The following NUP42 variants were observed in gnomAD, a reference collection of about 807,000 sequenced individuals.
NUP42 encodes the protein nucleoporin NUP42.
NUP42 carries 47 observed loss-of-function variants against 35.9 expected under a neutral mutation model. That is an observed-to-expected ratio of 1.31 (90% CI 1.04 to 1.67). The LOEUF is 1.67. NUP42 is among the 40% of genes most tolerant of loss of function. NUP42 has a pLI of 0.00. For missense variants in NUP42, 514 were observed against 492.2 expected (o/e 1.04, Z -0.42); for synonymous variants, 173 against 173.3 (o/e 1.00, Z 0.01).
At chr7:23,188,768 A>G (rs10279691) in intron 3 of NUP42, among the ~76,000 whole-genome samples, 54,697 of 152,120 alleles carry the variant, frequency 0.36, 10,179 homozygotes, top group African/African-American at 0.44. Flanking sequence ...CCTGAGTTCA[A>G]AAATATTTTC....
intron 3 of NUP42, chr7:23,194,521 G>T (rs6955117): frequency 0.087 from 13,273 of 152,212 alleles, 897 homozygotes; most frequent in African/African-American, 0.18. Flanking sequence ...CCACCACGCC[G>T]AGCTAATTTT....
intron 5 of NUP42, among the ~76,000 whole-genome samples, chr7:23,198,671 A>G (rs537616878): frequency 2.0e-4 from 30 of 152,356 alleles, no homozygotes; most frequent in Admixed American, 2.6e-4. Flanking sequence ...ACAGAACAGC[A>G]AGAACATAAA....
rs773711883 is a variant in NUP42, at chr7:23,185,249, C to A, written c.301C>A (p.Pro101Thr). ...GGAAGGCTTTGGATTGTCTGAGAAC[C>A]CATTTGCTTCACTTAGTCCTGATGA... ...RKEGFGLSEN[P>T]FASLSPDEQK... The change falls in exon 2 of 7, where the codon CCA becomes ACA. Residue 101 changes from proline to threonine, a missense_variant. Transcript: ENST00000258742. The A allele has an allele frequency of 1.3e-5, 21 of 1,613,924 alleles. No homozygotes were observed. The highest frequency in any genetic ancestry group is 1.7e-5 in the Non-Finnish European group (20 of 1,180,020).
At chr7:23,187,937 T>TGGG in intron 3 of NUP42, 1 of 258,962 alleles carries the variant, frequency 3.9e-6, no homozygotes. Context: ...ATATTCTCTG[T>TGGG]CTCTCTCTCT....
intron 2 of NUP42, among the ~76,000 whole-genome samples, chr7:23,186,407 TCTC>T (rs1396108999): frequency 6.6e-6 from 1 of 152,190 alleles, no homozygotes. Context: ...CTGTGATAAT[TCTC>T]CTTTTATTGA....
At position 23,182,136 on chromosome 7, in the gene NUP42, G is replaced by T; in HGVS notation, c.51G>T (p.Arg17=). The T allele has an allele frequency of 6.2e-7, 1 of 1,614,198 alleles. No homozygotes were observed. Among genetic ancestry groups the T allele is most frequent in the Non-Finnish European group, 8.5e-7 (1 of 1,180,030 alleles). Residue 17 remains arginine, a synonymous_variant, in exon 1 of 7, where the codon CGG becomes CGT. Coordinates refer to ENST00000258742, the MANE Select transcript of NUP42 (RefSeq NM_007342.3). ...FLQGRCRFGD[R]CWNEHPGARG... is the part of the protein sequence containing the mutation. ...AAGGCCGGTGCCGCTTTGGAGATCG[G>T]TGCTGGAACGAACATCCCGGTGCTA... is the stretch of plus-strand genomic sequence containing the variant.
intron 5 of NUP42, 178 bp from the exon 6 acceptor site, chr7:23,199,280 A>G: frequency 1.8e-6 from 1 of 553,242 alleles, no homozygotes; most frequent in South Asian, 2.1e-5. Context: ...CCAGACTCAT[A>G]GGCTCAAGCC....
intron 1 of NUP42, among the ~76,000 whole-genome samples, chr7:23,183,754 TAAAAAAAAAAAA>T (rs571597955): frequency 5.5e-4 from 45 of 82,066 alleles, no homozygotes; most frequent in Non-Finnish European, 8.7e-4. Context: ...AAAAGCAATG[TAAAAAAAAAAAA>T]AAAAAAAAAA....
chr7:23,182,127 T>C lies in NUP42; in HGVS notation c.42T>C (p.Phe14=). ...CQFFLQGRCR[F]GDRCWNEHPG... ...TCTTCCTTCAAGGCCGGTGCCGCTT[T>C]GGAGATCGGTGCTGGAACGAACATC... Residue 14 remains phenylalanine (F), a synonymous_variant, in exon 1 of 7, where the codon TTT becomes TTC. Transcript: ENST00000258742. The C allele has an allele frequency of 6.2e-7, 1 of 1,614,202 alleles. No individual in the cohort carries two copies. The highest frequency in any genetic ancestry group is 2.2e-5 in the East Asian group (1 of 44,886).
chr7:23,196,815 T>C, intron 5 of NUP42, 49 bp downstream of exon 5: 1 of 1,277,714 alleles, frequency 7.8e-7, no homozygotes, highest in South Asian at 1.2e-5. Flanking sequence ...CTATTGCTTT[T>C]TTGCAGAGGA....
At chr7:23,191,326 C>T (rs1785784714) in intron 3 of NUP42, among the ~76,000 whole-genome samples, 1 of 152,058 alleles carries the variant, frequency 6.6e-6, no homozygotes, top group East Asian at 1.9e-4. Flanking sequence ...CTGTTGGGAG[C>T]CGTGGCAAAA....
intron 2 of NUP42, among the ~76,000 whole-genome samples, chr7:23,186,562 C>A (rs1785603612): frequency 6.6e-6 from 1 of 152,070 alleles, no homozygotes; most frequent in East Asian, 1.9e-4. Flanking sequence ...GTCCTATAAC[C>A]CACTTTTAAA....
At chr7:23,187,945 T>C in intron 3 of NUP42, 3 of 489,814 alleles carry the variant, frequency 6.1e-6, no homozygotes, top group South Asian at 3.2e-5. Context: ...TGTCTCTCTC[T>C]CTCTCTCTGG....
chr7:23,194,712 G>A (rs1288051057), intron 3 of NUP42: 1 of 149,980 alleles, frequency 6.7e-6, no homozygotes. Flanking sequence ...GTTTTGAGAC[G>A]GAGTCTCGCT....
chr7:23,196,903 C>A, intron 5 of NUP42, 137 bp downstream of exon 5: 2 of 651,238 alleles, frequency 3.1e-6, no homozygotes, highest in Non-Finnish European at 5.4e-6. Context: ...AAAATAGCAT[C>A]ACTTAAGAGT....
At chr7:23,189,960 T>C (rs555328759) in intron 3 of NUP42, among the ~76,000 whole-genome samples, 1 of 151,604 alleles carries the variant, frequency 6.6e-6, no homozygotes, top group East Asian at 1.9e-4. Context: ...AACGTGCCAA[T>C]GTTTAGAAGT....
At position 23,195,920 on chromosome 7, in the gene NUP42, G is replaced by GT; in HGVS notation, c.522+8dup. ...AGCAATAACTTACAGAGTTATGTAAGTTTGTTTCCTATTAATCTACTGCAA... is the reference window on the plus strand; with the variant it reads ...AGCAATAACTTACAGAGTTATGTAAGTTTTGTTTCCTATTAATCTACTGCAA... On this transcript the variant is annotated splice_donor_region_variant and intron_variant, in intron 4 of 6. Coordinates refer to ENST00000258742, the MANE Select transcript of NUP42 (RefSeq NM_007342.3). The GT allele has an allele frequency of 6.4e-7, 1 of 1,559,720 alleles. No homozygotes were observed. Among genetic ancestry groups the GT allele is most frequent in the Non-Finnish European group, 8.8e-7 (1 of 1,138,970 alleles).
chr7:23,196,665 G>A lies in NUP42; in HGVS notation c.523-15G>A, dbSNP rs770562467. 1.9e-6 allele frequency: 3 copies of A among 1,567,072 alleles called. No homozygotes were observed. In the East Asian group the frequency reaches 6.7e-5, roughly 35 times the overall value. ...TACAATATTGAACTGTTATTTTTCTGTCTTCCGTTTTCAGCTAAATTCTGT... is the reference window on the plus strand; with the variant it reads ...TACAATATTGAACTGTTATTTTTCTATCTTCCGTTTTCAGCTAAATTCTGT... On this transcript the variant is annotated splice_polypyrimidine_tract_variant and intron_variant, in intron 4 of 6. Transcript: ENST00000258742.
At chr7:23,196,972 C>T (rs1786034421) in intron 5 of NUP42, among the ~76,000 whole-genome samples, 2 of 152,060 alleles carry the variant, frequency 1.3e-5, no homozygotes, top group African/African-American at 4.8e-5. Context: ...AATAGTTATG[C>T]TTTTTAAAAG....
Sources: gnomAD v4.1 joint callset for allele counts (sites outside exome capture counted in the v4.1 genomes callset) on GRCh38, gnomAD v4.1.1 for gene constraint, MANE v1.5 for transcripts, NCBI Gene and HGNC (gene_info 2026-07-23, HGNC 2026-07-21) for gene names.